NDST2: variants seen among roughly 807,000 people sequenced by gnomAD.
The protein encoded by NDST2 is N-deacetylase and N-sulfotransferase 2, also known as bifunctional heparan sulfate N-deacetylase/N-sulfotransferase 2.
NDST2 carries 32 observed loss-of-function variants against 86.9 expected under a neutral mutation model. That is an observed-to-expected ratio of 0.37 (90% CI 0.28 to 0.49). The LOEUF is 0.49. Ranked by LOEUF, NDST2 falls within the 20% of genes least tolerant of loss-of-function variation. The pLI is 0.97. For synonymous variants in NDST2, 409 were observed against 437.0 expected, an observed-to-expected ratio of 0.94 and a Z score of 0.80; for missense variants, 950 against 1,146.9, an observed-to-expected ratio of 0.83 and a Z score of 2.48.
chr10:73,804,630 C>A (rs1156328760), intron 9 of NDST2, 143 bp downstream of exon 9: 2 of 412,410 alleles, frequency 4.8e-6, no homozygotes, highest in East Asian at 9.1e-5. Context: ...AAGTGAGACT[C>A]TTATCTCAAA....
Position 73,802,397 on chromosome 10 carries a change from G to C in NDST2, c.*54C>G. ...AATCCCCCTTGTGGGCCCTGCTCTG[G>C]ACCTGCCCCTTAGGGAAGCAGGGGG... On this transcript the variant is annotated 3_prime_UTR_variant, in exon 15 of 15. Coordinates refer to ENST00000309979, the MANE Select transcript of NDST2 (RefSeq NM_003635.4). 6.2e-7 allele frequency: 1 copy of C among 1,607,708 alleles called. No individual in the cohort carries two copies. The highest frequency in any genetic ancestry group is 8.5e-7 in the Non-Finnish European group (1 of 1,177,520).
intron 11 of NDST2, 51 bp downstream of exon 11, chr10:73,803,519 TCCCC>T: frequency 1.8e-6 from 1 of 565,898 alleles, no homozygotes; most frequent in Non-Finnish European, 3.4e-6. Flanking sequence ...GCAGTCACTG[TCCCC>T]TCCCCCCTCC....
rs761914289 is a variant in NDST2 at position 73,806,611 on chromosome 10, A to T, written c.1248+46T>A. The T allele has an allele frequency of 6.2e-7, 1 of 1,600,624 alleles. No individual in the cohort carries two copies. The highest frequency in any genetic ancestry group is 8.6e-7 in the Non-Finnish European group (1 of 1,169,140). On this transcript the variant is annotated intron_variant, in intron 5 of 14. Transcript: ENST00000309979. This position sits in a 1 kb window ranked among gnomAD's most constrained non-coding sequence, Gnocchi z 4.5. ...GCCCATTAGGGGAAGGTAGAAAAGG[A>T]AGCATGGCTGGGAGAAATTATGGGG...
intron 3 of NDST2, 89 bp from the exon 4 acceptor site, chr10:73,807,284 C>G: frequency 6.4e-7 from 1 of 1,567,206 alleles, no homozygotes. Flanking sequence ...CCTGGAAAGG[C>G]AGGGAGTGTA....
At chr10:73,803,519 T>TGGGGGGGGGGGGGCG in intron 11 of NDST2, 55 bp downstream of exon 11, 1 of 565,896 alleles carries the variant, frequency 1.8e-6, no homozygotes, top group Non-Finnish European at 3.4e-6. Context: ...GCAGTCACTG[T>TGGGGGGGGGGGGGCG]CCCCTCCCCC....
chr10:73,807,378 A>G lies in NDST2; in HGVS notation c.1005+6T>C, dbSNP rs1365586461. 2.5e-6 allele frequency: 4 copies of G among 1,612,992 alleles called. No individual in the cohort carries two copies. Among genetic ancestry groups the G allele is most frequent in the Non-Finnish European group, 3.4e-6 (4 of 1,179,384 alleles). ...CTAAGAAAAAAATTTAAGTAACAAG[A>G]CTGACCTCAACATCAGCCACCTTCA... On this transcript the variant is annotated splice_donor_region_variant and intron_variant, in intron 3 of 14. Coordinates refer to ENST00000309979, the MANE Select transcript of NDST2 (RefSeq NM_003635.4).
At position 73,807,145 on chromosome 10, in the gene NDST2, G is replaced by A. The variant is rs761032412; in HGVS notation, c.1056C>T (p.Thr352=). The change falls in exon 4 of 15, where the codon ACC becomes ACT. Residue 352 remains threonine (T), a synonymous_variant. Transcript: ENST00000309979. ...ACTTGCCCGAGAAGCCCAAGTTGAA[G>A]GTGAAGTTGGGAACTAAGGTCCTGA... ...NKLRTLVPNF[T]FNLGFSGKFY... is the part of the protein sequence containing the mutation. 3 of 1,614,084 alleles carry A rather than the reference G, an allele frequency of 1.9e-6. No homozygotes were observed. In the South Asian group the frequency reaches 3.3e-5, roughly 18 times the overall value.
chr10:73,803,376 AG>A lies in NDST2; in HGVS notation c.2143-18del. 1 of 1,613,928 alleles carries A rather than the reference AG, an allele frequency of 6.2e-7. No homozygotes were observed. The highest frequency in any genetic ancestry group is 8.5e-7 in the Non-Finnish European group (1 of 1,179,816). On this transcript the variant is annotated intron_variant, in intron 11 of 14. Transcript: ENST00000309979. Reference sequence around the variant, plus strand: ...TCGCTGATGCTGAAGGACAAAGAGAAGGAAGGTGAAGGACTGGTGATTTGAC... The same window carrying A: ...TCGCTGATGCTGAAGGACAAAGAGAAGAAGGTGAAGGACTGGTGATTTGAC...
At chr10:73,803,400 G>T in intron 11 of NDST2, 41 bp from the exon 12 acceptor site, 1 of 1,609,926 alleles carries the variant, frequency 6.2e-7, no homozygotes, top group South Asian at 1.1e-5. Flanking sequence ...CTGGTGATTT[G>T]ACAGTATTCT....
At position 73,806,694 on chromosome 10, in the gene NDST2, A is replaced by G. The variant is rs1281110608; in HGVS notation, c.1211T>C (p.Leu404Pro). ...TTTGTTGAGCCTCATCTGGTCAGCC[A>G]GCACGGAGCGATTGTGGAACAGGTG... ...QPHLFHNRSV[L>P]ADQMRLNKQF... The change falls in exon 5 of 15, where the codon CTG becomes CCG. Residue 404 changes from leucine (L) to proline (P), a missense_variant. Leu to Pro is a moderately conservative substitution (Grantham distance 98). Around this residue, in one of 5 missense-constraint regions of NDST2, gnomAD observed 586 missense variants for 714.0 expected, o/e 0.82. Coordinates refer to ENST00000309979, the MANE Select transcript of NDST2 (RefSeq NM_003635.4). This position sits in a 1 kb window ranked among gnomAD's most constrained non-coding sequence, Gnocchi z 4.5. 6.2e-7 allele frequency: 1 copy of G among 1,614,118 alleles called. No homozygotes were observed. Among genetic ancestry groups the G allele is most frequent in the Non-Finnish European group, 8.5e-7 (1 of 1,180,056 alleles).
chr10:73,803,390 C>A, intron 11 of NDST2, 31 bp from the exon 12 acceptor site: 1 of 1,613,082 alleles, frequency 6.2e-7, no homozygotes, highest in Non-Finnish European at 8.5e-7. Context: ...AGGTGAAGGA[C>A]TGGTGATTTG....
rs1209801399 is a variant in NDST2 at position 73,802,079 on chromosome 10, G to C, written c.*372C>G. The C allele has an allele frequency of 5.4e-6, 2 of 367,346 alleles. No individual in the cohort carries two copies. Among genetic ancestry groups the C allele is most frequent in the Non-Finnish European group, 1.0e-5 (2 of 197,252 alleles). 22.8% of individuals were successfully genotyped at this position (367,346 alleles called of 1,614,324 possible). A position where few individuals can be genotyped will look rare whatever the true frequency, so the allele number is the denominator to read the frequency against. Reference sequence around the variant, plus strand: ...CCTGGCTAAAGGGGCCATAGCAAGGGGTCCCTCCCATGCAAGGGGTCTCTC... The same window carrying C: ...CCTGGCTAAAGGGGCCATAGCAAGGCGTCCCTCCCATGCAAGGGGTCTCTC... On this transcript the variant is annotated 3_prime_UTR_variant, in exon 15 of 15. Coordinates refer to ENST00000309979, the MANE Select transcript of NDST2 (RefSeq NM_003635.4).
chr10:73,806,406 G>A lies in NDST2; in HGVS notation c.1317C>T (p.His439=), dbSNP rs764237668. 1.2e-6 allele frequency: 2 copies of A among 1,614,050 alleles called. No individual in the cohort carries two copies. Among genetic ancestry groups the A allele is most frequent in the Non-Finnish European group, 1.7e-6 (2 of 1,179,938 alleles). Residue 439 remains histidine, a synonymous_variant, in exon 6 of 15, where the codon CAC becomes CAT. Coordinates refer to ENST00000309979, the MANE Select transcript of NDST2 (RefSeq NM_003635.4). The surrounding 1 kb of genome is among the most constrained non-coding windows in gnomAD (Gnocchi z 4.5). ...ATTTCCAGGCCTCATAGAGCTGCGT[G>A]TGGATGGGGTACACACCCGAGTGGT... ...APHHSGVYPI[H]TQLYEAWKSV...
Position 73,803,285 on chromosome 10 carries a change from G to T in NDST2, c.2217C>A (p.Thr739=), listed in dbSNP as rs151172153. ...TCTGCAGGGAGCGTAGTGCCAGAGG[G>T]GTCTGGGAGGAGGCTGAAATCACCT... ...FYQVISASSQ[T]PLALRSLQNR... The change falls in exon 12 of 15, where the codon ACC becomes ACA. Residue 739 remains threonine (T), a synonymous_variant. Coordinates refer to ENST00000309979, the MANE Select transcript of NDST2 (RefSeq NM_003635.4). 12 of 1,614,066 alleles carry T rather than the reference G, an allele frequency of 7.4e-6. No homozygotes were observed. Among genetic ancestry groups the T allele is most frequent in the African/African-American group, 5.3e-5 (4 of 74,922 alleles).
chr10:73,808,839 CAA>C lies in NDST2; in HGVS notation c.-341-112_-341-111del, dbSNP rs79478385. ...TCCTGCTTACTGGATAATCTGTTCT[CAA>C]AAAAAAAAAAAAAAAAGTTTCCTCT... is the stretch of plus-strand genomic sequence containing the variant. On this transcript the variant is annotated intron_variant, in intron 2 of 14. Coordinates refer to ENST00000309979, the MANE Select transcript of NDST2 (RefSeq NM_003635.4). The surrounding 1 kb of genome is among the most constrained non-coding windows in gnomAD (Gnocchi z 4.3). The C allele has an allele frequency of 6.6e-4, 73 of 111,266 alleles. No individual in the cohort carries two copies. Among genetic ancestry groups the C allele is most frequent in the Admixed American group, 1.0e-3 (11 of 10,546 alleles). 6.9% of individuals were successfully genotyped at this position (111,266 alleles called of 1,614,324 possible).
rs1358065788 is a variant in NDST2 at position 73,802,856 on chromosome 10, C to G, written c.2424-80G>C. On this transcript the variant is annotated intron_variant, in intron 13 of 14. Coordinates refer to ENST00000309979, the MANE Select transcript of NDST2 (RefSeq NM_003635.4). ...ATAAATGCACAATGCCCTTCCCTGC[C>G]CACAGGGACATGTCTCTCCTTGTGA... The G allele has an allele frequency of 5.4e-6, 8 of 1,489,536 alleles. No individual in the cohort carries two copies. In the South Asian group the frequency reaches 6.8e-5, roughly 13 times the overall value. 92.3% of individuals were successfully genotyped at this position (1,489,536 alleles called of 1,614,324 possible). A position where few individuals can be genotyped will look rare whatever the true frequency, so the allele number is the denominator to read the frequency against.
intron 3 of NDST2, 37 bp from the exon 4 acceptor site, chr10:73,807,232 G>A (rs1179141972): frequency 6.3e-7 from 1 of 1,585,104 alleles, no homozygotes; most frequent in African/African-American, 1.3e-5. Context: ...AATCAGGAGA[G>A]CAGACTGAAC....
At position 73,808,101 on chromosome 10, in the gene NDST2, T is replaced by C. The variant is rs1272658463; in HGVS notation, c.288A>G (p.Ser96=). 5.0e-6 allele frequency: 8 copies of C among 1,614,212 alleles called. No homozygotes were observed. The South Asian group carries it at 7.7e-5, about 16-fold the overall frequency. Residue 96 remains serine (S), a synonymous_variant, in exon 3 of 15, where the codon TCA becomes TCG. Coordinates refer to ENST00000309979, the MANE Select transcript of NDST2 (RefSeq NM_003635.4). The surrounding 1 kb of genome is among the most constrained non-coding windows in gnomAD (Gnocchi z 4.3). ...TGGCCACAATTTCCTGCCCCAGCTG[T>C]GAGTATGCACTCTCCACAAACACAA... ...VVLVFVESAY[S]QLGQEIVAIL...
At chr10:73,810,197 G>A (rs544726374) in intron 2 of NDST2, among the ~76,000 whole-genome samples, 120 of 152,194 alleles carry the variant, frequency 7.9e-4, no homozygotes, top group Admixed American at 3.3e-3. Flanking sequence ...GGTGCCTCAC[G>A]CCTGTAATTC....
Sources: gnomAD v4.1 joint callset for allele counts (sites outside exome capture counted in the v4.1 genomes callset) on GRCh38, gnomAD v4.1.1 for gene constraint, gnomAD v4.1.1 regional missense constraint, Gnocchi (gnomAD v3.1) non-coding constraint, MANE v1.5 for transcripts, NCBI Gene and HGNC (gene_info 2026-07-23, HGNC 2026-07-21) for gene names.